The following TACR1 variants were observed in gnomAD, a reference collection of about 807,000 sequenced individuals.
TACR1 encodes the protein tachykinin receptor 1.
TACR1 carries 25 observed loss-of-function variants against 35.8 expected under a neutral mutation model. The ratio of observed to expected loss-of-function variants is 0.70; its 90% CI spans 0.51 to 0.98. TACR1 has a LOEUF of 0.98. Ranked by LOEUF, TACR1 falls within the 50% of genes least tolerant of loss-of-function variation. TACR1 has a pLI of 0.00. For synonymous variants in TACR1, 195 were observed against 206.7 expected (o/e 0.94, Z 0.48); for missense variants, 478 against 522.9 (o/e 0.91, Z 0.84).
chr2:75,103,699 A>G (rs1020121262), intron 2 of TACR1, among the ~76,000 whole-genome samples: 2 of 152,174 alleles, frequency 1.3e-5, no homozygotes, highest in Non-Finnish European at 2.9e-5. Context: ...CCTTAAGGAT[A>G]GCCTTCACAC....
At chr2:75,061,941 C>T (rs971266426) in intron 2 of TACR1, among the ~76,000 whole-genome samples, 5 of 152,198 alleles carry the variant, frequency 3.3e-5, no homozygotes, top group East Asian at 1.9e-4. Context: ...TTTTTATATA[C>T]GACTATTTCA....
chr2:75,082,202 A>G (rs1331926170), intron 2 of TACR1, among the ~76,000 whole-genome samples: 1 of 152,116 alleles, frequency 6.6e-6, no homozygotes, highest in Non-Finnish European at 1.5e-5. Context: ...TAGTTTGCTG[A>G]GAGTGATGGT....
intron 1 of TACR1, among the ~76,000 whole-genome samples, chr2:75,163,882 A>G (rs1049619799): frequency 1.3e-4 from 20 of 152,146 alleles, no homozygotes; most frequent in African/African-American, 4.1e-4. Context: ...ATGTTAGTTA[A>G]CCAGTCTATA....
rs533678312 is a variant in TACR1 at position 75,083,357 on chromosome 2, C to T, written c.585-29602G>A. ...TGTAGTATAGTTTGAAGTCAGGTAG[C>T]GTGATGCCTCCAGCTTTGTTCTTTT... On this transcript the variant is annotated intron_variant, in intron 2 of 4. Coordinates refer to ENST00000305249, the MANE Select transcript of TACR1 (RefSeq NM_001058.4). Among the ~76,000 whole-genome samples, 45 of 152,110 alleles carry T rather than the reference C, an allele frequency of 3.0e-4. 1 individual carries two copies. The highest frequency in any genetic ancestry group is 2.1e-3 in the East Asian group (11 of 5,178).
Position 75,198,889 on chromosome 2 carries a change from A to T in TACR1, c.46T>A (p.Ser16Thr). 5 of 1,613,862 alleles carry T rather than the reference A, an allele frequency of 3.1e-6. No homozygotes were observed. Among genetic ancestry groups the T allele is most frequent in the Non-Finnish European group, 3.4e-6 (4 of 1,180,022 alleles). Reference protein sequence around the residue: ...PVDSDLSPNISTNTSEPNQFV... With the variant: ...PVDSDLSPNITTNTSEPNQFV... Reference sequence around the variant, plus strand: ...TGATTGGGTTCCGAGGTGTTAGTGGAGATGTTTGGGGAGAGGTCTGAGTCC... The same window carrying T: ...TGATTGGGTTCCGAGGTGTTAGTGGTGATGTTTGGGGAGAGGTCTGAGTCC... Residue 16 changes from serine to threonine, a missense_variant, in exon 1 of 5, where the codon TCC (serine) becomes ACC (threonine). Coordinates refer to ENST00000305249, the MANE Select transcript of TACR1 (RefSeq NM_001058.4).
intron 2 of TACR1, among the ~76,000 whole-genome samples, chr2:75,074,709 G>A (rs1182813515): frequency 6.6e-6 from 1 of 152,096 alleles, no homozygotes. Flanking sequence ...AGGCAAGAAG[G>A]TGGCTTCAGA....
At chr2:75,172,859 T>G (rs1363089153) in intron 1 of TACR1, among the ~76,000 whole-genome samples, 1 of 152,170 alleles carries the variant, frequency 6.6e-6, no homozygotes, top group African/African-American at 2.4e-5. Context: ...TCTTTTTCCT[T>G]GGCTTGCAGA....
chr2:75,169,089 T>C (rs150257911), intron 1 of TACR1, among the ~76,000 whole-genome samples: 1 of 152,300 alleles, frequency 6.6e-6, no homozygotes, highest in African/African-American at 2.4e-5. Context: ...CCTAATTAAA[T>C]CTTTATCTAA....
At chr2:75,111,708 G>A (rs906619591) in intron 2 of TACR1, among the ~76,000 whole-genome samples, 6 of 151,932 alleles carry the variant, frequency 3.9e-5, no homozygotes, top group Non-Finnish European at 8.8e-5. Context: ...TCAGAATAGG[G>A]TATACTGTAT....
chr2:75,170,381 G>A (rs1354009395), intron 1 of TACR1, among the ~76,000 whole-genome samples: 1 of 152,192 alleles, frequency 6.6e-6, no homozygotes. Flanking sequence ...GTGGAACTGT[G>A]AGTCAATTAA....
At chr2:75,155,566 A>T (rs1310599070) in intron 1 of TACR1, among the ~76,000 whole-genome samples, 2 of 152,160 alleles carry the variant, frequency 1.3e-5, no homozygotes, top group Non-Finnish European at 2.9e-5. Flanking sequence ...AGAGGCCACC[A>T]TCTCCTGTTC....
Position 75,049,505 on chromosome 2 carries a change from G to C in TACR1, c.1151C>G (p.Ser384Cys), listed in dbSNP as rs780848437. The C allele has an allele frequency of 4.3e-6, 7 of 1,614,074 alleles. No homozygotes were observed. Residue 384 changes from serine (S) to cysteine (C), a missense_variant, in exon 5 of 5, where the codon TCC becomes TGC. Physicochemically the swap from Ser to Cys is moderately radical, Grantham distance 112. Transcript: ENST00000305249. The part of the protein sequence containing the change: ...KATPSSLDLT[S>C]NCSSRSDSKT... Reference sequence around the variant, plus strand: ...GGAGTCACTTCGTGAAGAGCAGTTGGAGGTCAGGTCCAGGGACGAGGGTGT... The same window carrying C: ...GGAGTCACTTCGTGAAGAGCAGTTGCAGGTCAGGTCCAGGGACGAGGGTGT...
intron 1 of TACR1, among the ~76,000 whole-genome samples, chr2:75,175,774 A>G (rs1271950955): frequency 6.6e-6 from 1 of 152,196 alleles, no homozygotes; most frequent in African/African-American, 2.4e-5. Flanking sequence ...TGTGCCGTGT[A>G]AAGTGACATA....
rs1166779798 is a variant in TACR1, at chr2:75,154,410, G to GCGCGCGCGCGCGCGCGCGCA, written c.390-33643_390-33642insTGCGCGCGCGCGCGCGCGCG. On this transcript the variant is annotated intron_variant, in intron 1 of 4. Coordinates refer to ENST00000305249, the MANE Select transcript of TACR1 (RefSeq NM_001058.4). ...GAGATAATCAGCCAAGAGCGCGCACGCACACACACACACACACACACACAC... is the reference window on the plus strand; with the variant it reads ...GAGATAATCAGCCAAGAGCGCGCACGCGCGCGCGCGCGCGCGCGCACACACACACACACACACACACACAC... 11 of 75,362 alleles carry GCGCGCGCGCGCGCGCGCGCA rather than the reference G, an allele frequency of 1.5e-4. 1 individual carries two copies. The highest frequency in any genetic ancestry group is 2.0e-4 in the Non-Finnish European group (7 of 35,112). 4.7% of individuals were successfully genotyped at this position (75,362 alleles called of 1,614,324 possible). A position where few individuals can be genotyped will look rare whatever the true frequency, so the allele number is the denominator to read the frequency against.
At chr2:75,056,010 C>G (rs1189197756) in intron 2 of TACR1, among the ~76,000 whole-genome samples, 1 of 152,240 alleles carries the variant, frequency 6.6e-6, no homozygotes, top group East Asian at 1.9e-4. Flanking sequence ...CAAAGGTATT[C>G]ATTCAATTGA....
chr2:75,093,126 G>A (rs946723745), intron 2 of TACR1, among the ~76,000 whole-genome samples: 3 of 152,168 alleles, frequency 2.0e-5, no homozygotes, highest in African/African-American at 7.2e-5. Flanking sequence ...GGAGAGGAGA[G>A]AAGGTGACAA....
intron 1 of TACR1, among the ~76,000 whole-genome samples, chr2:75,134,606 A>G (rs3771826): frequency 0.12 from 18,002 of 152,236 alleles, 1,285 homozygotes; most frequent in Middle Eastern, 0.22. Flanking sequence ...TGCACAATCT[A>G]TGGAAAGCTG....
chr2:75,088,470 G>A (rs897912752), intron 2 of TACR1, among the ~76,000 whole-genome samples: 1 of 152,204 alleles, frequency 6.6e-6, no homozygotes, highest in African/African-American at 2.4e-5. Flanking sequence ...TATAAAGTAT[G>A]TGCTTACTAC....
intron 1 of TACR1, among the ~76,000 whole-genome samples, chr2:75,135,007 G>C (rs944181230): frequency 2.3e-4 from 35 of 152,184 alleles, no homozygotes; most frequent in African/African-American, 7.7e-4. Context: ...GCCAAACACA[G>C]AGCAAGAGAG....
Sources: allele counts gnomAD v4.1 joint callset (sites outside exome capture counted in the v4.1 genomes callset), GRCh38; gene constraint gnomAD v4.1.1; transcripts MANE v1.5; gene names NCBI Gene and HGNC (gene_info 2026-07-23, HGNC 2026-07-21).